Variants in PDE4D observed in about 807,000 individuals in gnomAD.
The protein encoded by PDE4D is 3',5'-cyclic-AMP phosphodiesterase 4D.
Under a neutral mutation model 87.4 loss-of-function variants are expected in PDE4D, and 24 were observed. The observed-to-expected ratio is 0.27, with a 90% CI of 0.20 to 0.39. The LOEUF is 0.39. Ranked by LOEUF, PDE4D falls within the 10% of genes least tolerant of loss-of-function variation. PDE4D has a pLI of 1.00. For missense variants in PDE4D, 714 were observed against 1,041.0 expected, an observed-to-expected ratio of 0.69 and a Z score of 4.32; for synonymous variants, 384 against 383.2, an observed-to-expected ratio of 1.00 and a Z score of -0.02.
chr5:60,041,253 C>T (rs1470433845), intron 2 of PDE4D, among the ~76,000 whole-genome samples: 1 of 151,994 alleles, frequency 6.6e-6, no homozygotes, highest in African/African-American at 2.4e-5. Flanking sequence ...TCATAGAATT[C>T]TCTATGTATG....
At chr5:59,976,522 A>G (rs1761354030) in intron 3 of PDE4D, among the ~76,000 whole-genome samples, 2 of 152,128 alleles carry the variant, frequency 1.3e-5, no homozygotes, top group Non-Finnish European at 2.9e-5. Flanking sequence ...TCTGCCATGA[A>G]TAAAAGCTTC....
intron 1 of PDE4D, among the ~76,000 whole-genome samples, chr5:59,870,614 A>G (rs1410806672): frequency 6.6e-6 from 1 of 152,204 alleles, no homozygotes; most frequent in African/African-American, 2.4e-5. Context: ...TACTTACCTT[A>G]TTGATATAGT....
intron 1 of PDE4D, among the ~76,000 whole-genome samples, chr5:59,475,639 C>T (rs1376567920): frequency 1.3e-5 from 2 of 152,018 alleles, no homozygotes; most frequent in South Asian, 2.1e-4. Flanking sequence ...TACCCTATCC[C>T]TAAGGTCCAT....
intron 1 of PDE4D, among the ~76,000 whole-genome samples, chr5:59,719,035 G>T (rs556061095): frequency 3.0e-4 from 45 of 151,734 alleles, no homozygotes; most frequent in Middle Eastern, 6.8e-3. Context: ...CTTGTTTCTG[G>T]TTTCATATAA....
intron 2 of PDE4D, among the ~76,000 whole-genome samples, chr5:60,135,494 C>T (rs144715317): frequency 3.3e-5 from 5 of 152,040 alleles, no homozygotes; most frequent in South Asian, 2.1e-4. Flanking sequence ...AGTAGTCTAT[C>T]GTTCAAAAAT....
At chr5:59,793,056 A>T (rs1766001584) in intron 1 of PDE4D, among the ~76,000 whole-genome samples, 1 of 152,196 alleles carries the variant, frequency 6.6e-6, no homozygotes. Flanking sequence ...AGTCAAATGG[A>T]ATGTCCGATA....
chr5:60,122,335 C>T (rs1778763311), intron 2 of PDE4D, among the ~76,000 whole-genome samples: 1 of 152,364 alleles, frequency 6.6e-6, no homozygotes. Flanking sequence ...TTCCACACTT[C>T]CCTAGCAGAG....
intron 1 of PDE4D, among the ~76,000 whole-genome samples, chr5:59,406,782 T>C (rs1039684185): frequency 6.6e-6 from 1 of 152,224 alleles, no homozygotes; most frequent in African/African-American, 2.4e-5. Flanking sequence ...TAATTTTGTA[T>C]AGTATCCTTT....
rs536431882 is a variant in PDE4D, at chr5:59,198,093, G to A, written c.648-4557C>T. Among the ~76,000 whole-genome samples the A allele has an allele frequency of 2.0e-5, 3 of 152,164 alleles. No homozygotes were observed. The South Asian group carries it at 6.2e-4, about 32-fold the overall frequency. On this transcript the variant is annotated intron_variant, in intron 2 of 14. Transcript: ENST00000340635. ...GGACATTTTGAAATTGTACCGCCTG[G>A]TAATGTGAATTTTGGGTGAGGATGA...
At chr5:59,519,113 T>C (rs1335339525) in intron 1 of PDE4D, among the ~76,000 whole-genome samples, 2 of 152,158 alleles carry the variant, frequency 1.3e-5, no homozygotes, top group Admixed American at 6.6e-5. Flanking sequence ...TCTTTCTCTC[T>C]CTCCCTCCTT....
chr5:59,052,209 T>C (rs368471066), intron 5 of PDE4D, among the ~76,000 whole-genome samples: 15 of 152,312 alleles, frequency 9.8e-5, no homozygotes, highest in African/African-American at 3.6e-4. Flanking sequence ...GTATGGACTA[T>C]AGCTCAGTGT....
intron 1 of PDE4D, among the ~76,000 whole-genome samples, chr5:59,693,628 T>C (rs575706305): frequency 2.5e-4 from 38 of 152,180 alleles, no homozygotes; most frequent in Non-Finnish European, 5.0e-4. Flanking sequence ...TACAAATGTA[T>C]GTGGTTCCAT....
chr5:60,193,703 GAAAA>G (rs1005482601), intron 1 of PDE4D, among the ~76,000 whole-genome samples: 1 of 134,940 alleles, frequency 7.4e-6, no homozygotes, highest in Admixed American at 7.3e-5. Flanking sequence ...GAAAGAAAAA[GAAAA>G]AAAGAAAAGA....
intron 1 of PDE4D, among the ~76,000 whole-genome samples, chr5:59,573,260 A>G (rs1822184641): frequency 6.6e-6 from 1 of 152,174 alleles, no homozygotes; most frequent in Non-Finnish European, 1.5e-5. Flanking sequence ...TAAATTTCTG[A>G]TAATTTCCTA....
chr5:59,713,294 G>A (rs1159051118), intron 1 of PDE4D, among the ~76,000 whole-genome samples: 3 of 152,200 alleles, frequency 2.0e-5, no homozygotes, highest in Non-Finnish European at 2.9e-5. Context: ...ATCAGGTCCA[G>A]CATGACTCAG....
chr5:60,025,193 T>C (rs1048076099), intron 2 of PDE4D, among the ~76,000 whole-genome samples: 3 of 152,190 alleles, frequency 2.0e-5, no homozygotes, highest in African/African-American at 7.2e-5. Flanking sequence ...ACTTATAAAG[T>C]AGTCTGTCAA....
At chr5:59,853,841 G>T (rs1260934596) in intron 1 of PDE4D, among the ~76,000 whole-genome samples, 2 of 151,648 alleles carry the variant, frequency 1.3e-5, no homozygotes, top group East Asian at 1.9e-4. Flanking sequence ...GCTCTTTTTT[G>T]GTTTCAATTA....
intron 1 of PDE4D, among the ~76,000 whole-genome samples, chr5:59,632,467 G>T (rs1453747863): frequency 1.3e-5 from 2 of 152,232 alleles, no homozygotes; most frequent in African/African-American, 2.4e-5. Flanking sequence ...CCCAGCAGGG[G>T]TTGACAGACA....
chr5:60,313,061 G>T (rs1018345069), intron 1 of PDE4D, among the ~76,000 whole-genome samples: 1 of 151,690 alleles, frequency 6.6e-6, no homozygotes, highest in Non-Finnish European at 1.5e-5. Flanking sequence ...CAGAGGAAAG[G>T]AAATAACCAA....
Sources: gnomAD v4.1 joint callset for allele counts (sites outside exome capture counted in the v4.1 genomes callset) on GRCh38, gnomAD v4.1.1 for gene constraint, MANE v1.5 for transcripts, NCBI Gene and HGNC (gene_info 2026-07-23, HGNC 2026-07-21) for gene names.